ZFHX4: variants seen among roughly 807,000 people sequenced by gnomAD.
The protein encoded by ZFHX4 is zinc finger homeobox 4, also known as zinc finger homeobox protein 4.
ZFHX4 carries 56 observed loss-of-function variants against 267.6 expected under a neutral mutation model. The observed-to-expected ratio is 0.21, with a 90% CI of 0.17 to 0.26. The LOEUF (loss-of-function observed/expected upper bound fraction) is 0.26. ZFHX4 is among the 10% of genes least tolerant of loss of function. ZFHX4 has a pLI of 1.00. For synonymous variants in ZFHX4, 1,778 were observed against 1,665.6 expected, an observed-to-expected ratio of 1.07 and a Z score of -1.64; for missense variants, 4,332 against 4,420.0, an observed-to-expected ratio of 0.98 and a Z score of 0.56.
At chr8:76,745,365 T>A (rs1294848841) in intron 3 of ZFHX4, among the ~76,000 whole-genome samples, 1 of 152,218 alleles carries the variant, frequency 6.6e-6, no homozygotes, top group Non-Finnish European at 1.5e-5. Context: ...TAAAATAAAA[T>A]TCCTTTTTGT....
chr8:76,832,217 T>A (rs1811953807), intron 4 of ZFHX4, among the ~76,000 whole-genome samples: 1 of 152,164 alleles, frequency 6.6e-6, no homozygotes, highest in Non-Finnish European at 1.5e-5. Flanking sequence ...TAAACATGAT[T>A]TCCTTTGGCA....
chr8:76,784,193 G>A (rs1332536816), intron 4 of ZFHX4, among the ~76,000 whole-genome samples: 1 of 151,822 alleles, frequency 6.6e-6, no homozygotes, highest in Non-Finnish European at 1.5e-5. Context: ...TAAAAGCTCA[G>A]TGCTATTTGG....
At chr8:76,849,165 T>G (rs1303150432) in intron 7 of ZFHX4, 37 bp downstream of exon 7, 1 of 1,517,356 alleles carries the variant, frequency 6.6e-7, no homozygotes, top group Non-Finnish European at 8.8e-7. Context: ...TGTAAATCTT[T>G]ATTTTTTATT....
intron 1 of ZFHX4, among the ~76,000 whole-genome samples, chr8:76,695,285 T>G (rs1342800602): frequency 6.6e-6 from 1 of 152,202 alleles, no homozygotes; most frequent in Non-Finnish European, 1.5e-5. Context: ...GTTTGAATGG[T>G]GTCAAGGAAG....
chr8:76,846,167 G>T (rs958966881), intron 6 of ZFHX4, among the ~76,000 whole-genome samples: 25 of 151,914 alleles, frequency 1.6e-4, no homozygotes, highest in Non-Finnish European at 3.5e-4. Flanking sequence ...ACCTAAGATA[G>T]TATCCCTTTG....
At chr8:76,830,955 C>T (rs886591550) in intron 4 of ZFHX4, among the ~76,000 whole-genome samples, 1 of 152,178 alleles carries the variant, frequency 6.6e-6, no homozygotes, top group African/African-American at 2.4e-5. Context: ...GGTATTACAA[C>T]TAGATACATT....
At chr8:76,708,254 C>G in intron 3 of ZFHX4, 1 of 632,448 alleles carries the variant, frequency 1.6e-6, no homozygotes, top group Non-Finnish European at 2.6e-6. Flanking sequence ...CCCTATGTCT[C>G]ACTTACACCT....
At chr8:76,791,107 T>TA (rs1810824497) in intron 4 of ZFHX4, among the ~76,000 whole-genome samples, 1 of 152,166 alleles carries the variant, frequency 6.6e-6, no homozygotes, top group Admixed American at 6.5e-5. Flanking sequence ...AAAAACTGAT[T>TA]AAACATAGCA....
chr8:76,821,424 C>T (rs1467692603), intron 4 of ZFHX4, among the ~76,000 whole-genome samples: 1 of 152,158 alleles, frequency 6.6e-6, no homozygotes, highest in Non-Finnish European at 1.5e-5. Flanking sequence ...CAATCAGGGA[C>T]TCTGTTGACC....
At chr8:76,707,098 T>G in intron 2 of ZFHX4, among the ~76,000 whole-genome samples, 1 of 152,214 alleles carries the variant, frequency 6.6e-6, no homozygotes, top group East Asian at 1.9e-4. Flanking sequence ...ATGGCTGTGA[T>G]CCAAGATAAT....
At chr8:76,799,875 C>T (rs1199970017) in intron 4 of ZFHX4, among the ~76,000 whole-genome samples, 1 of 152,116 alleles carries the variant, frequency 6.6e-6, no homozygotes, top group Admixed American at 6.6e-5. Context: ...GTATACCTCC[C>T]GTGTTCATTC....
chr8:76,800,469 CAG>C (rs1811090782), intron 4 of ZFHX4, among the ~76,000 whole-genome samples: 1 of 152,162 alleles, frequency 6.6e-6, no homozygotes. Flanking sequence ...GGCATTTCCT[CAG>C]AGTTAGCTTT....
chr8:76,824,858 A>G (rs1811743708), intron 4 of ZFHX4, among the ~76,000 whole-genome samples: 1 of 152,142 alleles, frequency 6.6e-6, no homozygotes, highest in Admixed American at 6.5e-5. Flanking sequence ...GGAGTGAGTC[A>G]CTGCGGGCCT....
At chr8:76,858,436 A>T (rs113804705) in intron 10 of ZFHX4, among the ~76,000 whole-genome samples, 149 of 152,274 alleles carry the variant, frequency 9.8e-4, no homozygotes, top group Non-Finnish European at 1.9e-3. Context: ...ACTGAAACAG[A>T]CTGGGGAGTG....
chr8:76,795,669 C>T (rs1227979155), intron 4 of ZFHX4, among the ~76,000 whole-genome samples: 1 of 151,510 alleles, frequency 6.6e-6, no homozygotes, highest in East Asian at 1.9e-4. Context: ...GCCTCAGCCT[C>T]CCAAGTAGGA....
chr8:76,790,604 A>G (rs926497737), intron 4 of ZFHX4, among the ~76,000 whole-genome samples: 2 of 152,192 alleles, frequency 1.3e-5, no homozygotes, highest in African/African-American at 2.4e-5. Context: ...GTTTAAAACT[A>G]AAGCACTGAT....
chr8:76,855,962 T>C lies in ZFHX4; in HGVS notation c.9041T>C (p.Val3014Ala). The C allele has an allele frequency of 6.2e-7, 1 of 1,613,766 alleles. No homozygotes were observed. The highest frequency in any genetic ancestry group is 8.5e-7 in the Non-Finnish European group (1 of 1,179,842). ...AAACCAGAGTGTACCCTCTGCGGGGTGAAGTACTCTGCCCGCTTGTCCATC... is the reference window on the plus strand; with the variant it reads ...AAACCAGAGTGTACCCTCTGCGGGGCGAAGTACTCTGCCCGCTTGTCCATC... ...GTKPECTLCGVKYSARLSIRD... is the reference protein window; with the variant it reads ...GTKPECTLCGAKYSARLSIRD... Residue 3014 changes from valine (V) to alanine (A), a missense_variant, in exon 10 of 11, where the codon GTG becomes GCG. Transcript: ENST00000651372.
At chr8:76,780,290 C>T (rs1810514808) in intron 4 of ZFHX4, among the ~76,000 whole-genome samples, 1 of 152,140 alleles carries the variant, frequency 6.6e-6, no homozygotes, top group Non-Finnish European at 1.5e-5. Context: ...AAGTACAAAG[C>T]ATCTGTATAA....
At chr8:76,730,052 T>C (rs1452029418) in intron 3 of ZFHX4, among the ~76,000 whole-genome samples, 2 of 152,220 alleles carry the variant, frequency 1.3e-5, no homozygotes, top group East Asian at 3.8e-4. Flanking sequence ...GTTGTGTTTC[T>C]ATTTGTTAAT....
Sources: allele counts gnomAD v4.1 joint callset (sites outside exome capture counted in the v4.1 genomes callset), GRCh38; gene constraint gnomAD v4.1.1; transcripts MANE v1.5; gene names NCBI Gene and HGNC (gene_info 2026-07-23, HGNC 2026-07-21).